Variants in PJA2 observed in about 807,000 individuals in gnomAD.
The protein encoded by PJA2 is E3 ubiquitin-protein ligase Praja-2.
A neutral mutation model predicts 69.3 loss-of-function variants in PJA2; 25 were observed. The ratio of observed to expected loss-of-function variants is 0.36; its 90% CI spans 0.26 to 0.50. The LOEUF (loss-of-function observed/expected upper bound fraction) is 0.50. PJA2 is among the 20% of genes least tolerant of loss of function. The pLI, the probability that PJA2 is intolerant of heterozygous loss-of-function variation, is 0.96. For missense variants in PJA2, 809 were observed against 830.2 expected (o/e 0.97, Z 0.31); for synonymous variants, 308 against 277.8 (o/e 1.11, Z -1.08).
At position 109,372,077 on chromosome 5, in the gene PJA2, G is replaced by A. The variant is rs905885182; in HGVS notation, c.1284-3331C>T. On this transcript the variant is annotated intron_variant, in intron 4 of 9. Coordinates refer to ENST00000361189, the MANE Select transcript of PJA2 (RefSeq NM_014819.5). ...ACTCAAATACATTTAGTTAGGATAAGCAATAGCCATTAAGTCCTGAATTTG... is the reference window on the plus strand; with the variant it reads ...ACTCAAATACATTTAGTTAGGATAAACAATAGCCATTAAGTCCTGAATTTG... Among the ~76,000 whole-genome samples the A allele has an allele frequency of 2.6e-5, 4 of 152,068 alleles. No individual in the cohort carries two copies. In the South Asian group the frequency reaches 8.3e-4, roughly 31 times the overall value.
At chr5:109,360,894 G>A (rs913344977) in intron 6 of PJA2, among the ~76,000 whole-genome samples, 8 of 152,122 alleles carry the variant, frequency 5.3e-5, no homozygotes, top group East Asian at 1.9e-4. Context: ...TTGGGAGGCC[G>A]AGGAGGGTGG....
At chr5:109,380,804 C>CAAAAAAAAAAA (rs34675958) in intron 3 of PJA2, among the ~76,000 whole-genome samples, 1 of 88,728 alleles carries the variant, frequency 1.1e-5, no homozygotes, top group Non-Finnish European at 2.0e-5. Flanking sequence ...GATTCCATCT[C>CAAAAAAAAAAA]AAAAAAAAAA....
intron 7 of PJA2, 44 bp from the exon 8 acceptor site, chr5:109,344,863 A>G (rs1371453815): frequency 9.3e-6 from 12 of 1,284,262 alleles, no homozygotes; most frequent in Non-Finnish European, 1.3e-5. Context: ...ATACTTTAAA[A>G]CAGTAACAGA....
intron 1 of PJA2, among the ~76,000 whole-genome samples, chr5:109,399,796 A>C: frequency 6.6e-6 from 1 of 152,224 alleles, no homozygotes; most frequent in East Asian, 1.9e-4. Flanking sequence ...CAATTAACAG[A>C]ATTATCAGAG....
chr5:109,357,576 TCTTC>T (rs746661541), intron 6 of PJA2, among the ~76,000 whole-genome samples: 2 of 152,220 alleles, frequency 1.3e-5, no homozygotes, highest in Non-Finnish European at 2.9e-5. Context: ...TGTAACTGAC[TCTTC>T]CTTCATCTAT....
intron 1 of PJA2, among the ~76,000 whole-genome samples, chr5:109,386,004 T>C (rs916574775): frequency 1.3e-5 from 2 of 152,002 alleles, no homozygotes; most frequent in African/African-American, 4.8e-5. Flanking sequence ...TATGGTGCCA[T>C]ATTGGCAGTA....
In PJA2 at chr5:109,376,525, A is replaced by G. The variant is rs143610393; in HGVS notation, c.1283+1679T>C. Among the ~76,000 whole-genome samples, 201 of 152,002 alleles carry G rather than the reference A, an allele frequency of 1.3e-3. 1 individual carries two copies. Among genetic ancestry groups the G allele is most frequent in the African/African-American group, 4.7e-3 (196 of 41,452 alleles). ...TTCATCAACTTCATCATAAGACATT[A>G]TAACTGACTATAAAAAGCAAGCAGA... is the stretch of plus-strand genomic sequence containing the variant. On this transcript the variant is annotated intron_variant, in intron 4 of 9. Coordinates refer to ENST00000361189, the MANE Select transcript of PJA2 (RefSeq NM_014819.5).
intron 1 of PJA2, among the ~76,000 whole-genome samples, chr5:109,384,075 A>G (rs1364455007): frequency 6.6e-6 from 1 of 152,256 alleles, no homozygotes; most frequent in East Asian, 1.9e-4. Context: ...AAGACTGTCA[A>G]TGACAACAAC....
chr5:109,378,783 G>C lies in PJA2; in HGVS notation c.704C>G (p.Ser235Cys). ...AGCAGAACTTTTCACTAATGGTACA[G>C]AATCTAACTCTTCAAACTCATCTCT... The part of the protein sequence containing the change: ...EVRDEFEELD[S>C]VPLVKSSAGD... Residue 235 changes from serine to cysteine, a missense_variant, in exon 4 of 10, where the codon TCT becomes TGT. Around this residue, in one of 4 missense-constraint regions of PJA2, gnomAD observed 700 missense variants for 639.5 expected, o/e 1.09. Coordinates refer to ENST00000361189, the MANE Select transcript of PJA2 (RefSeq NM_014819.5). The C allele has an allele frequency of 1.2e-6, 2 of 1,612,562 alleles. No individual in the cohort carries two copies. Among genetic ancestry groups the C allele is most frequent in the South Asian group, 1.1e-5 (1 of 91,086 alleles).
intron 1 of PJA2, among the ~76,000 whole-genome samples, chr5:109,389,391 A>AT (rs975653121): frequency 3.9e-5 from 6 of 152,082 alleles, no homozygotes; most frequent in African/African-American, 1.4e-4. Context: ...TTTTTCAGGG[A>AT]TTATGACCTT....
intron 1 of PJA2, among the ~76,000 whole-genome samples, chr5:109,397,744 G>C (rs1220882983): frequency 6.6e-6 from 1 of 151,810 alleles, no homozygotes; most frequent in East Asian, 1.9e-4. Context: ...GGCTGGTCTT[G>C]AACTCCTGAT....
At chr5:109,408,664 T>G (rs1243387917) in intron 1 of PJA2, among the ~76,000 whole-genome samples, 1 of 152,244 alleles carries the variant, frequency 6.6e-6, no homozygotes, top group Admixed American at 6.5e-5. Context: ...ATATTTAAAT[T>G]TTACCTAACA....
chr5:109,408,907 T>C (rs1160081493), intron 1 of PJA2, among the ~76,000 whole-genome samples: 1 of 152,204 alleles, frequency 6.6e-6, no homozygotes, highest in Non-Finnish European at 1.5e-5. Flanking sequence ...TGTGACCAAA[T>C]ATTTCATGAT....
chr5:109,367,081 G>A (rs1186406578), intron 5 of PJA2, among the ~76,000 whole-genome samples: 4 of 149,704 alleles, frequency 2.7e-5, no homozygotes, highest in Non-Finnish European at 4.4e-5. Context: ...TCAGTGAGCC[G>A]AGATCGTACC....
At chr5:109,374,695 TTAAG>T (rs1328169853) in intron 4 of PJA2, among the ~76,000 whole-genome samples, 5 of 152,308 alleles carry the variant, frequency 3.3e-5, no homozygotes, top group East Asian at 1.9e-4. Context: ...ACATTTTACC[TTAAG>T]TAAGGTTTTT....
chr5:109,401,098 C>A (rs1747535302), intron 1 of PJA2, among the ~76,000 whole-genome samples: 1 of 152,202 alleles, frequency 6.6e-6, no homozygotes, highest in Non-Finnish European at 1.5e-5. Context: ...TTGAGACTAG[C>A]ATGGCCAACA....
At chr5:109,350,851 C>T (rs866452062) in intron 7 of PJA2, among the ~76,000 whole-genome samples, 1 of 152,094 alleles carries the variant, frequency 6.6e-6, no homozygotes, top group Non-Finnish European at 1.5e-5. Context: ...ACAAGGGGCC[C>T]GTGGGTATGG....
Position 109,388,201 on chromosome 5 carries a change from T to C in PJA2, c.-87-4681A>G, listed in dbSNP as rs185264940. ...CTGCCACATCATGATATCACTCAAG[T>C]AGACCCACAGAAAGCCCACATGGTG... is the stretch of plus-strand genomic sequence containing the variant. On this transcript the variant is annotated intron_variant, in intron 1 of 9. Transcript: ENST00000361189. Among the ~76,000 whole-genome samples, 231 of 151,870 alleles carry C rather than the reference T, an allele frequency of 1.5e-3. 1 individual carries two copies. The highest frequency in any genetic ancestry group is 5.1e-3 in the African/African-American group (212 of 41,492).
At chr5:109,391,738 T>G (rs1747286371) in intron 1 of PJA2, among the ~76,000 whole-genome samples, 1 of 152,140 alleles carries the variant, frequency 6.6e-6, no homozygotes, top group Non-Finnish European at 1.5e-5. Context: ...TACCTACAAG[T>G]AAAGTTCTAT....
Sources: gnomAD v4.1 joint callset for allele counts (sites outside exome capture counted in the v4.1 genomes callset) on GRCh38, gnomAD v4.1.1 for gene constraint, gnomAD v4.1.1 regional missense constraint, MANE v1.5 for transcripts, NCBI Gene and HGNC (gene_info 2026-07-23, HGNC 2026-07-21) for gene names.